Variants in FNDC3B observed in about 807,000 individuals in gnomAD.
FNDC3B encodes the protein fibronectin type III domain containing 3B, also known as fibronectin type III domain-containing protein 3B.
FNDC3B carries 12 observed loss-of-function variants against 151.5 expected under a neutral mutation model. The ratio of observed to expected loss-of-function variants is 0.08; its 90% CI spans 0.05 to 0.13. FNDC3B has a LOEUF of 0.13. FNDC3B is among the 10% of genes least tolerant of loss of function. FNDC3B has a pLI of 1.00. For missense variants in FNDC3B, 1,214 were observed against 1,505.3 expected (o/e 0.81, Z 3.20); for synonymous variants, 528 against 549.0 (o/e 0.96, Z 0.54).
chr3:172,292,480 A>C (rs577325373), intron 7 of FNDC3B, among the ~76,000 whole-genome samples: 1 of 152,354 alleles, frequency 6.6e-6, no homozygotes, highest in African/African-American at 2.4e-5. Context: ...CCAAGTCCTA[A>C]GGGAAAAAAG....
chr3:172,254,097 T>C lies in FNDC3B; in HGVS notation c.790+2556T>C, dbSNP rs556225122. On this transcript the variant is annotated intron_variant, in intron 6 of 25. Coordinates refer to ENST00000415807, the MANE Select transcript of FNDC3B (RefSeq NM_022763.4). ...TTAATTTGCTTGAATAATTTAACTT[T>C]TTATCACTTACAAAAAACAAATCTT... Among the ~76,000 whole-genome samples, 3 of 152,304 alleles carry C rather than the reference T, an allele frequency of 2.0e-5. No homozygotes were observed. In the South Asian group the frequency reaches 6.2e-4, roughly 32 times the overall value.
intron 4 of FNDC3B, among the ~76,000 whole-genome samples, chr3:172,241,015 C>A (rs1201905731): frequency 1.3e-5 from 2 of 152,082 alleles, no homozygotes; most frequent in African/African-American, 4.8e-5. Context: ...GTGTACTAAG[C>A]TGGATAAAAC....
chr3:172,149,806 G>GTTTTTTTTT lies in FNDC3B; in HGVS notation c.187+16282_187+16290dup, dbSNP rs10561622. On this transcript the variant is annotated intron_variant, in intron 3 of 25. Coordinates refer to ENST00000415807, the MANE Select transcript of FNDC3B (RefSeq NM_022763.4). ...TGTGTATACCTTTTGTATGTTGGGT[G>GTTTTTTTTT]TTTTTTTTTTTTTTTTTTTTTTTTT... is the stretch of plus-strand genomic sequence containing the variant. 7.6e-4 allele frequency among the ~76,000 whole-genome samples: 40 copies of GTTTTTTTTT among 52,508 alleles called. 5 individuals are homozygous for GTTTTTTTTT. Among genetic ancestry groups the GTTTTTTTTT allele is most frequent in the African/African-American group, 3.0e-3 (38 of 12,776 alleles). The allele number at this position is 52,508 out of a possible 152,430, so 34.4% of individuals were successfully genotyped here. A position where few individuals can be genotyped will look rare whatever the true frequency, so the allele number is the denominator to read the frequency against.
At chr3:172,261,942 A>G (rs1280127840) in intron 6 of FNDC3B, among the ~76,000 whole-genome samples, 1 of 152,228 alleles carries the variant, frequency 6.6e-6, no homozygotes, top group African/African-American at 2.4e-5. Context: ...AGAAAAGGCC[A>G]GAAAAGACCA....
intron 6 of FNDC3B, among the ~76,000 whole-genome samples, chr3:172,254,244 T>G (rs115273543): frequency 0.019 from 2,880 of 152,306 alleles, 39 homozygotes; most frequent in Middle Eastern, 0.058. Context: ...AATTTCTCTC[T>G]TGAGGTCTAG....
chr3:172,042,710 C>CCAAT (rs1716147578), intron 1 of FNDC3B, among the ~76,000 whole-genome samples: 1 of 152,140 alleles, frequency 6.6e-6, no homozygotes, highest in Non-Finnish European at 1.5e-5. Flanking sequence ...ATGGTGTCAT[C>CCAAT]CAATGGAATT....
At chr3:172,354,222 T>G (rs1733982328) in intron 22 of FNDC3B, among the ~76,000 whole-genome samples, 2 of 152,058 alleles carry the variant, frequency 1.3e-5, no homozygotes, top group Admixed American at 1.3e-4. Flanking sequence ...CCCATTTCTG[T>G]TTATATACAA....
chr3:172,235,133 G>C (rs1727082412), intron 4 of FNDC3B, among the ~76,000 whole-genome samples: 1 of 151,992 alleles, frequency 6.6e-6, no homozygotes, highest in South Asian at 2.1e-4. Flanking sequence ...GGTAAGTTTT[G>C]TGCTGGTTTA....
At chr3:172,098,566 C>A (rs1476587024) in intron 1 of FNDC3B, among the ~76,000 whole-genome samples, 1 of 152,030 alleles carries the variant, frequency 6.6e-6, no homozygotes, top group Non-Finnish European at 1.5e-5. Flanking sequence ...ATGTTAACAC[C>A]TTTCAGTTGG....
At chr3:172,116,218 T>C (rs1054753046) in intron 2 of FNDC3B, among the ~76,000 whole-genome samples, 1 of 152,164 alleles carries the variant, frequency 6.6e-6, no homozygotes, top group Admixed American at 6.5e-5. Flanking sequence ...CAAGAAACAA[T>C]GTGAACAGAA....
chr3:172,188,437 T>C (rs1405548161), intron 3 of FNDC3B, among the ~76,000 whole-genome samples: 1 of 151,816 alleles, frequency 6.6e-6, no homozygotes, highest in African/African-American at 2.4e-5. Flanking sequence ...GATGGAGTCT[T>C]GCTCTGTCGC....
At chr3:172,067,090 A>G (rs1314789511) in intron 1 of FNDC3B, among the ~76,000 whole-genome samples, 1 of 152,188 alleles carries the variant, frequency 6.6e-6, no homozygotes, top group Non-Finnish European at 1.5e-5. Flanking sequence ...CTGTGCAGAT[A>G]TAAGACTTGG....
At chr3:172,068,174 A>G (rs999766883) in intron 1 of FNDC3B, among the ~76,000 whole-genome samples, 1 of 152,114 alleles carries the variant, frequency 6.6e-6, no homozygotes, top group African/African-American at 2.4e-5. Context: ...TATTCCCCCC[A>G]GTGGACTCCC....
intron 11 of FNDC3B, among the ~76,000 whole-genome samples, chr3:172,328,165 A>G (rs537472335): frequency 4.1e-4 from 62 of 152,338 alleles, no homozygotes; most frequent in Middle Eastern, 6.8e-3. Flanking sequence ...AGTATCACAT[A>G]AGGCTAGGAA....
At chr3:172,221,340 C>T (rs1726267607) in intron 3 of FNDC3B, among the ~76,000 whole-genome samples, 1 of 152,196 alleles carries the variant, frequency 6.6e-6, no homozygotes, top group African/African-American at 2.4e-5. Context: ...AAGTGGACAT[C>T]CTTGTCTAGT....
intron 1 of FNDC3B, among the ~76,000 whole-genome samples, chr3:172,068,153 A>G (rs764009974): frequency 6.6e-6 from 1 of 152,072 alleles, no homozygotes; most frequent in Non-Finnish European, 1.5e-5. Flanking sequence ...TTTGTCATTT[A>G]GTTACCCACC....
chr3:172,228,974 T>G (rs1249390503), intron 4 of FNDC3B, among the ~76,000 whole-genome samples: 1 of 151,964 alleles, frequency 6.6e-6, no homozygotes, highest in Admixed American at 6.6e-5. Flanking sequence ...GTACACACAC[T>G]TCAATGAAAT....
intron 25 of FNDC3B, among the ~76,000 whole-genome samples, chr3:172,388,503 A>G (rs539106761): frequency 7.9e-5 from 12 of 152,320 alleles, no homozygotes; most frequent in African/African-American, 2.4e-4. Flanking sequence ...TTTAAATTGG[A>G]TTGAGTCAAG....
intron 3 of FNDC3B, among the ~76,000 whole-genome samples, chr3:172,158,752 C>G (rs1389436148): frequency 1.3e-5 from 2 of 152,106 alleles, no homozygotes; most frequent in Non-Finnish European, 1.5e-5. Context: ...TTTGTTTTCC[C>G]TACAAGTTTT....
Sources: allele counts gnomAD v4.1 joint callset (sites outside exome capture counted in the v4.1 genomes callset), GRCh38; gene constraint gnomAD v4.1.1; transcripts MANE v1.5; gene names NCBI Gene and HGNC (gene_info 2026-07-23, HGNC 2026-07-21).